YY1: variants seen among roughly 807,000 people sequenced by gnomAD.
YY1 encodes transcriptional repressor protein YY1.
A neutral mutation model predicts 35.6 loss-of-function variants in YY1; 2 were observed. That is an observed-to-expected ratio of 0.06 (90% CI 0.02 to 0.18). The LOEUF is 0.18. Ranked by LOEUF, YY1 falls within the 10% of genes least tolerant of loss-of-function variation. The probability of loss-of-function intolerance (pLI) is 1.00; values close to 1 mark genes in which losing one functional copy is unlikely to be tolerated. For missense variants in YY1, 322 were observed against 573.4 expected (o/e 0.56, Z 4.48); for synonymous variants, 268 against 238.9 (o/e 1.12, Z -1.12).
Position 100,262,549 on chromosome 14 carries a change from A to C in YY1, c.842+83A>C, listed in dbSNP as rs574835744. ...CTATGTTTTCCTGTGCCTAAGTCAA[A>C]ATGGTGGTTTGTATTCTTTCTCTAG... On this transcript the variant is annotated intron_variant, in intron 2 of 4. Coordinates refer to ENST00000262238, the MANE Select transcript of YY1 (RefSeq NM_003403.5). 2.5e-4 allele frequency: 363 copies of C among 1,425,952 alleles called. 1 individual carries two copies. The South Asian group carries it at 3.9e-3, about 15-fold the overall frequency. 88.3% of individuals were successfully genotyped at this position (1,425,952 alleles called of 1,614,324 possible).
At chr14:100,244,312 CTTTTTTACTT>C (rs1890796749) in intron 1 of YY1, among the ~76,000 whole-genome samples, 1 of 125,206 alleles carries the variant, frequency 8.0e-6, no homozygotes, top group African/African-American at 2.9e-5. Context: ...TTTTTTTTTC[CTTTTTTACTT>C]TTTTTTTTTT....
chr14:100,242,797 G>A (rs1221052563), intron 1 of YY1, among the ~76,000 whole-genome samples: 1 of 151,926 alleles, frequency 6.6e-6, no homozygotes, highest in Admixed American at 6.6e-5. Context: ...TGCCCAGGCT[G>A]GAGTGCAGTG....
At chr14:100,256,440 T>G (rs564597629) in intron 1 of YY1, among the ~76,000 whole-genome samples, 18 of 152,226 alleles carry the variant, frequency 1.2e-4, no homozygotes, top group African/African-American at 4.3e-4. Context: ...TGATTAATTA[T>G]CTAGCCATGT....
At chr14:100,267,492 A>G (rs547980809) in intron 2 of YY1, among the ~76,000 whole-genome samples, 1 of 151,906 alleles carries the variant, frequency 6.6e-6, no homozygotes, top group Admixed American at 6.6e-5. Context: ...GAGGTGGGTC[A>G]AGGGTTGGGC....
At chr14:100,250,270 G>T (rs1042149063) in intron 1 of YY1, among the ~76,000 whole-genome samples, 1 of 152,170 alleles carries the variant, frequency 6.6e-6, no homozygotes, top group Non-Finnish European at 1.5e-5. Context: ...AACAACCTAT[G>T]TCTGATTTTT....
intron 1 of YY1, among the ~76,000 whole-genome samples, chr14:100,255,728 C>A (rs764594820): frequency 7.9e-5 from 12 of 152,192 alleles, no homozygotes; most frequent in Non-Finnish European, 4.4e-5. Flanking sequence ...ACCATGCAGC[C>A]TCTCTTGTCT....
Position 100,277,274 on chromosome 14 carries a change from T to C in YY1, c.1063-144T>C. On this transcript the variant is annotated intron_variant, in intron 4 of 4. Transcript: ENST00000262238. This position sits in a 1 kb window ranked among gnomAD's most constrained non-coding sequence, Gnocchi z 5.6. ...TCCAACCTGCCTGCTGATTCTAGAC[T>C]ATATCCACAAAGTTCACCCAGGGCA... 1 of 1,046,370 alleles carries C rather than the reference T, an allele frequency of 9.6e-7. No individual in the cohort carries two copies. The highest frequency in any genetic ancestry group is 1.3e-5 in the South Asian group (1 of 74,682). The allele number at this position is 1,046,370 out of a possible 1,614,324, so 64.8% of individuals were successfully genotyped here.
chr14:100,239,235 G>T lies in YY1; in HGVS notation c.-10G>T. 2 of 1,521,278 alleles carry T rather than the reference G, an allele frequency of 1.3e-6. No individual in the cohort carries two copies. The highest frequency in any genetic ancestry group is 1.2e-5 in the South Asian group (1 of 81,988). The allele number at this position is 1,521,278 out of a possible 1,614,324, so 94.2% of individuals were successfully genotyped here. ...AGGCCGCCGCGGCCGTGGCGGCGGAGCCCTCAGCCATGGCCTCGGGCGACA... is the reference window on the plus strand; with the variant it reads ...AGGCCGCCGCGGCCGTGGCGGCGGATCCCTCAGCCATGGCCTCGGGCGACA... On this transcript the variant is annotated 5_prime_UTR_variant, in exon 1 of 5. Transcript: ENST00000262238.
At chr14:100,266,351 G>A (rs975268414) in intron 2 of YY1, among the ~76,000 whole-genome samples, 6 of 152,120 alleles carry the variant, frequency 3.9e-5, no homozygotes, top group African/African-American at 1.4e-4. Context: ...AAACCTCTTT[G>A]GATTATACAT....
rs1311599551 is a variant in YY1 at position 100,276,496 on chromosome 14, A to T, written c.910A>T (p.Thr304Ser). 1 of 1,614,250 alleles carries T rather than the reference A, an allele frequency of 6.2e-7. No individual in the cohort carries two copies. Among genetic ancestry groups the T allele is most frequent in the Non-Finnish European group, 8.5e-7 (1 of 1,180,042 alleles). Reference protein sequence around the residue: ...RTIACPHKGCTKMFRDNSAMR... With the variant: ...RTIACPHKGCSKMFRDNSAMR... The stretch of plus-strand genomic sequence containing the variant: ...CTGCTTTCTCTGTTTTAAGGGCTGC[A>T]CAAAGATGTTCAGGGATAACTCGGC... Residue 304 changes from threonine (T) to serine (S), a missense_variant, in exon 4 of 5, where the codon ACA becomes TCA. Transcript: ENST00000262238. This position sits in a 1 kb window ranked among gnomAD's most constrained non-coding sequence, Gnocchi z 4.1.
chr14:100,259,237 TAA>T, intron 1 of YY1, among the ~76,000 whole-genome samples: 1 of 152,250 alleles, frequency 6.6e-6, no homozygotes, highest in South Asian at 2.1e-4. Context: ...TGCTCTACCT[TAA>T]GAGGCAAGAC....
chr14:100,269,316 C>T (rs1226964529), intron 2 of YY1, among the ~76,000 whole-genome samples: 2 of 152,110 alleles, frequency 1.3e-5, no homozygotes, highest in African/African-American at 4.8e-5. Flanking sequence ...TACCTTTTTA[C>T]AGAATAAGAA....
chr14:100,240,353 C>T (rs533392624), intron 1 of YY1, among the ~76,000 whole-genome samples: 1 of 148,378 alleles, frequency 6.7e-6, no homozygotes, highest in African/African-American at 2.4e-5. Flanking sequence ...GCCGCGGCCT[C>T]GCGGGCCAGG....
intron 2 of YY1, among the ~76,000 whole-genome samples, chr14:100,271,258 AAATT>A (rs1891234590): frequency 6.6e-6 from 1 of 152,182 alleles, no homozygotes; most frequent in Admixed American, 6.5e-5. Context: ...AAAAATAAAT[AAATT>A]AATTAAATTA....
Position 100,276,707 on chromosome 14 carries a change from A to G in YY1, c.1062+59A>G, listed in dbSNP as rs1891324047. 1 of 1,611,268 alleles carries G rather than the reference A, an allele frequency of 6.2e-7. No individual in the cohort carries two copies. Among genetic ancestry groups the G allele is most frequent in the South Asian group, 1.1e-5 (1 of 90,920 alleles). On this transcript the variant is annotated intron_variant, in intron 4 of 4. Transcript: ENST00000262238. This position sits in a 1 kb window ranked among gnomAD's most constrained non-coding sequence, Gnocchi z 4.1. ...TTGCCTGTCTGAACACTGCAAGTGT[A>G]GGTGGTGTGGTGATGAGGCAGGAGG...
rs746323472 is a variant in YY1, at chr14:100,239,401, G to GACGGCGGCGGTGGCGACC, written c.168_185dup (p.Asp58_Gly63dup). ...GGAGGAGGAGGACGACGACGACGAG[G>GACGGCGGCGGTGGCGACC]ACGGCGGCGGTGGCGACCACGGCGG... On this transcript the variant is annotated inframe_insertion, in exon 1 of 5. Transcript: ENST00000262238. The GACGGCGGCGGTGGCGACC allele has an allele frequency of 6.3e-7, 1 of 1,597,786 alleles. No individual in the cohort carries two copies. The highest frequency in any genetic ancestry group is 8.5e-7 in the Non-Finnish European group (1 of 1,173,268).
At chr14:100,251,058 AACTGGTTG>A (rs1393378864) in intron 1 of YY1, among the ~76,000 whole-genome samples, 1 of 152,170 alleles carries the variant, frequency 6.6e-6, no homozygotes, top group African/African-American at 2.4e-5. Flanking sequence ...CATATTGACT[AACTGGTTG>A]ACTGGTTGAC....
intron 1 of YY1, among the ~76,000 whole-genome samples, chr14:100,260,424 A>AAT (rs59427565): frequency 0.036 from 5,020 of 141,178 alleles, 115 homozygotes; most frequent in South Asian, 0.057. Context: ...TGAATATATG[A>AAT]ATATATATAT....
At chr14:100,250,994 A>C (rs1270801687) in intron 1 of YY1, among the ~76,000 whole-genome samples, 1 of 152,178 alleles carries the variant, frequency 6.6e-6, no homozygotes, top group Non-Finnish European at 1.5e-5. Flanking sequence ...TTCTGTCTCA[A>C]ATGAAAAGAG....
Sources: allele counts gnomAD v4.1 joint callset (sites outside exome capture counted in the v4.1 genomes callset), GRCh38; gene constraint gnomAD v4.1.1; non-coding constraint Gnocchi (gnomAD v3.1); transcripts MANE v1.5; gene names NCBI Gene and HGNC (gene_info 2026-07-23, HGNC 2026-07-21).